The following ITGB3BP variants were observed in gnomAD, a reference collection of about 807,000 sequenced individuals.
The protein encoded by ITGB3BP is integrin subunit beta 3 binding protein.
Under a neutral mutation model 29.1 loss-of-function variants are expected in ITGB3BP, and 27 were observed. That is an observed-to-expected ratio of 0.93 (90% CI 0.68 to 1.28). The LOEUF (loss-of-function observed/expected upper bound fraction) is 1.28, where lower values mean the gene tolerates loss of function less well. Among genes scored for constraint, ITGB3BP ranks in the 50% most tolerant of loss-of-function variants. The pLI, the probability that ITGB3BP is intolerant of heterozygous loss-of-function variation, is 0.00. For missense variants in ITGB3BP, 192 were observed against 200.2 expected, an observed-to-expected ratio of 0.96 and a Z score of 0.25; for synonymous variants, 61 against 61.4, an observed-to-expected ratio of 0.99 and a Z score of 0.03.
At chr1:63,509,093 C>CAGAT (rs1646143261) in intron 1 of ITGB3BP, among the ~76,000 whole-genome samples, 1 of 152,180 alleles carries the variant, frequency 6.6e-6, no homozygotes, top group African/African-American at 2.4e-5. Context: ...AACTGAGGAA[C>CAGAT]AGATGCTCTA....
At chr1:63,445,118 CT>C (rs1200787750) in intron 8 of ITGB3BP, among the ~76,000 whole-genome samples, 1 of 151,910 alleles carries the variant, frequency 6.6e-6, no homozygotes, top group African/African-American at 2.4e-5. Flanking sequence ...AACCCCATGT[CT>C]AATAAAAATA....
At chr1:63,498,465 TG>T (rs1645844194) in intron 2 of ITGB3BP, among the ~76,000 whole-genome samples, 1 of 151,828 alleles carries the variant, frequency 6.6e-6, no homozygotes. Flanking sequence ...AAATAACCAA[TG>T]GGTCAAAGAA....
chr1:63,522,950 G>C, intron 1 of ITGB3BP, 179 bp downstream of exon 1: 1 of 796,838 alleles, frequency 1.3e-6, no homozygotes, highest in South Asian at 1.3e-5. Flanking sequence ...TATCGTATGA[G>C]TACCGCTGGA....
rs139036386 is a variant in ITGB3BP, at chr1:63,508,570, A to G, written c.6T>C (p.Pro2=). 3,676 of 1,350,482 alleles carry G rather than the reference A, an allele frequency of 2.7e-3. 84 individuals carry two copies. In the African/African-American group the frequency reaches 0.048, roughly 18 times the overall value. The allele number at this position is 1,350,482 out of a possible 1,614,324, so 83.7% of individuals were successfully genotyped here. A position where few individuals can be genotyped will look rare whatever the true frequency, so the allele number is the denominator to read the frequency against. Residue 2 remains proline, a splice_region_variant and synonymous_variant, in exon 2 of 9, where the codon CCT becomes CCC. Coordinates refer to ENST00000271002, the MANE Select transcript of ITGB3BP (RefSeq NM_014288.5). M[P]VKRSLKLDGL... is the part of the protein sequence containing the mutation. ...CATCCAACTTCAGTGATCTTTTAAC[A>G]CTACAAACAAAAAATTTAAAGAAAT...
rs571977252 is a variant in ITGB3BP at position 63,507,966 on chromosome 1, T to C, written c.48+562A>G. ...GATAATAAACTAACATATGTCATGA[T>C]ATGCTGGCACTGGGAATGTGCTACA... is the stretch of plus-strand genomic sequence containing the variant. On this transcript the variant is annotated intron_variant, in intron 2 of 8. Coordinates refer to ENST00000271002, the MANE Select transcript of ITGB3BP (RefSeq NM_014288.5). Among the ~76,000 whole-genome samples the C allele has an allele frequency of 2.5e-3, 380 of 152,324 alleles. 5 individuals are homozygous for C. Among genetic ancestry groups the C allele is most frequent in the African/African-American group, 8.8e-3 (364 of 41,586 alleles).
At chr1:63,465,214 T>A (rs1026965277) in intron 4 of ITGB3BP, among the ~76,000 whole-genome samples, 2 of 152,192 alleles carry the variant, frequency 1.3e-5, no homozygotes, top group Non-Finnish European at 1.5e-5. Context: ...CCTATGTATG[T>A]GTGTGCACAT....
Position 63,454,372 on chromosome 1 carries a change from A to T in ITGB3BP, c.427+8T>A. 6.8e-7 allele frequency: 1 copy of T among 1,463,248 alleles called. No individual in the cohort carries two copies. Among genetic ancestry groups the T allele is most frequent in the Non-Finnish European group, 9.5e-7 (1 of 1,052,878 alleles). The allele number at this position is 1,463,248 out of a possible 1,614,324, so 90.6% of individuals were successfully genotyped here. A position where few individuals can be genotyped will look rare whatever the true frequency, so the allele number is the denominator to read the frequency against. On this transcript the variant is annotated splice_region_variant and intron_variant, in intron 6 of 8. Transcript: ENST00000271002. This position sits in a 1 kb window ranked among gnomAD's most constrained non-coding sequence, Gnocchi z 4.1. ...AATTACTGTCATTGAAAACTCAAAA[A>T]TTCTTACTTAGTTCTTTGGTTTTCT...
At chr1:63,500,195 T>C (rs1204260338) in intron 2 of ITGB3BP, among the ~76,000 whole-genome samples, 1 of 152,118 alleles carries the variant, frequency 6.6e-6, no homozygotes, top group Non-Finnish European at 1.5e-5. Flanking sequence ...CTGGCCAATG[T>C]GGTGAAACCC....
At chr1:63,521,900 T>C (rs1487932228) in intron 1 of ITGB3BP, among the ~76,000 whole-genome samples, 1 of 152,246 alleles carries the variant, frequency 6.6e-6, no homozygotes, top group Non-Finnish European at 1.5e-5. Flanking sequence ...CTGTTTTCAC[T>C]GTATTCTTAG....
rs1646064738 is a variant in ITGB3BP at position 63,505,843 on chromosome 1, C to T, written c.48+2685G>A. Among the ~76,000 whole-genome samples the T allele has an allele frequency of 9.2e-5, 14 of 152,230 alleles. No homozygotes were observed. In the South Asian group the frequency reaches 2.9e-3, roughly 32 times the overall value. Reference sequence around the variant, plus strand: ...GCGGTTTTGAGTGAGTTTCTTAATCCTGAGTTCTAGTTTGATTGCACTGTG... The same window carrying T: ...GCGGTTTTGAGTGAGTTTCTTAATCTTGAGTTCTAGTTTGATTGCACTGTG... On this transcript the variant is annotated intron_variant, in intron 2 of 8. Coordinates refer to ENST00000271002, the MANE Select transcript of ITGB3BP (RefSeq NM_014288.5).
chr1:63,502,092 G>A (rs1645944918), intron 2 of ITGB3BP, among the ~76,000 whole-genome samples: 1 of 152,074 alleles, frequency 6.6e-6, no homozygotes, highest in Non-Finnish European at 1.5e-5. Context: ...TTGGTATATG[G>A]CCAGGTAGCC....
At chr1:63,466,291 T>C (rs774124233) in intron 4 of ITGB3BP, among the ~76,000 whole-genome samples, 1 of 152,168 alleles carries the variant, frequency 6.6e-6, no homozygotes, top group Non-Finnish European at 1.5e-5. Flanking sequence ...TGAGAAATGG[T>C]GACATTTTGG....
At chr1:63,471,668 A>G (rs1645199800) in intron 4 of ITGB3BP, among the ~76,000 whole-genome samples, 1 of 152,242 alleles carries the variant, frequency 6.6e-6, no homozygotes, top group South Asian at 2.1e-4. Context: ...CTGATAACAA[A>G]TAACAGTGCT....
chr1:63,455,815 CAT>C (rs1282433131), intron 4 of ITGB3BP, among the ~76,000 whole-genome samples: 2 of 151,764 alleles, frequency 1.3e-5, no homozygotes, highest in Non-Finnish European at 2.9e-5. Flanking sequence ...TAATGTAAAC[CAT>C]ATATGTAATT....
At position 63,454,294 on chromosome 1, in the gene ITGB3BP, T is replaced by C. The variant is rs980131111; in HGVS notation, c.427+86A>G. 9 of 640,928 alleles carry C rather than the reference T, an allele frequency of 1.4e-5. No homozygotes were observed. The highest frequency in any genetic ancestry group is 2.5e-5 in the Non-Finnish European group (9 of 363,678). 39.7% of individuals were successfully genotyped at this position (640,928 alleles called of 1,614,324 possible). A position where few individuals can be genotyped will look rare whatever the true frequency, so the allele number is the denominator to read the frequency against. On this transcript the variant is annotated intron_variant, in intron 6 of 8. Coordinates refer to ENST00000271002, the MANE Select transcript of ITGB3BP (RefSeq NM_014288.5). This position sits in a 1 kb window ranked among gnomAD's most constrained non-coding sequence, Gnocchi z 4.1. ...TTATCACATGTCCAGTAATGGTATA[T>C]ATAAAGAAGTCTATCAAATGTAAAT...
chr1:63,505,557 T>C (rs1291797425), intron 2 of ITGB3BP, among the ~76,000 whole-genome samples: 1 of 152,210 alleles, frequency 6.6e-6, no homozygotes, highest in African/African-American at 2.4e-5. Context: ...CTGCTAGCTT[T>C]TGAATGTGTT....
At chr1:63,469,329 ATT>A (rs776273890) in intron 4 of ITGB3BP, among the ~76,000 whole-genome samples, 1 of 149,544 alleles carries the variant, frequency 6.7e-6, no homozygotes, top group African/African-American at 2.5e-5. Context: ...TATTATTATT[ATT>A]TTTTTTTTTT....
chr1:63,442,512 G>T (rs1050826348), intron 8 of ITGB3BP: 3 of 152,190 alleles, frequency 2.0e-5, no homozygotes, highest in Non-Finnish European at 4.4e-5. Context: ...GGACTTGGGG[G>T]TCTATTTAAA....
At chr1:63,494,748 T>G (rs565838436) in intron 2 of ITGB3BP, among the ~76,000 whole-genome samples, 3 of 152,302 alleles carry the variant, frequency 2.0e-5, no homozygotes, top group Admixed American at 2.0e-4. Context: ...AATTTAAAGA[T>G]ATTAAGATAT....
Sources: gnomAD v4.1 joint callset for allele counts (sites outside exome capture counted in the v4.1 genomes callset) on GRCh38, gnomAD v4.1.1 for gene constraint, Gnocchi (gnomAD v3.1) non-coding constraint, MANE v1.5 for transcripts, NCBI Gene and HGNC (gene_info 2026-07-23, HGNC 2026-07-21) for gene names.